PITRM1: variants seen among roughly 807,000 people sequenced by gnomAD.
PITRM1 encodes the protein presequence protease, mitochondrial.
In PITRM1, 100 loss-of-function variants were observed where a neutral mutation model predicts 129.9. The ratio of observed to expected loss-of-function variants is 0.77; its 90% CI spans 0.65 to 0.91. PITRM1 has a LOEUF of 0.91. Ranked by LOEUF, PITRM1 falls within the 40% of genes least tolerant of loss-of-function variation. The pLI is 0.00. For synonymous variants in PITRM1, 591 were observed against 508.8 expected, an observed-to-expected ratio of 1.16 and a Z score of -2.17; for missense variants, 1,471 against 1,318.3, an observed-to-expected ratio of 1.12 and a Z score of -1.79.
At position 3,149,765 on chromosome 10, in the gene PITRM1, A is replaced by G; in HGVS notation, c.1739-12T>C. 7 of 1,613,540 alleles carry G rather than the reference A, an allele frequency of 4.3e-6. No homozygotes were observed. The highest frequency in any genetic ancestry group is 5.9e-6 in the Non-Finnish European group (7 of 1,179,712). On this transcript the variant is annotated splice_polypyrimidine_tract_variant and intron_variant, in intron 15 of 26. Coordinates refer to ENST00000224949, the MANE Select transcript of PITRM1 (RefSeq NM_014889.4). ...AGGGATATCTCCAGCTAGAAAAACA[A>G]AAGGGATTTAATTTTTATTGCTGCC...
rs935643479 is a variant in PITRM1, at chr10:3,139,019, A to G, written c.2802T>C (p.Ser934=). The change falls in exon 25 of 27, where the codon TCT becomes TCC. Residue 934 remains serine, a synonymous_variant. Transcript: ENST00000224949. ...TAGCCCAGTCGACAGCCTTCCCAAA[A>G]GACTGGAGCGTCTCTATTGTATTTG... ...RDPNTIETLQ[S]FGKAVDWAKS... is the part of the protein sequence containing the mutation. 1 of 1,613,996 alleles carries G rather than the reference A, an allele frequency of 6.2e-7. No individual in the cohort carries two copies. Among genetic ancestry groups the G allele is most frequent in the Non-Finnish European group, 8.5e-7 (1 of 1,179,846 alleles).
At chr10:3,172,683 A>T in intron 1 of PITRM1, 34 bp downstream of exon 1, 1 of 1,526,122 alleles carries the variant, frequency 6.6e-7, no homozygotes, top group South Asian at 1.2e-5. Context: ...CCCGGGTACC[A>T]GCGCGCCGAG....
At chr10:3,162,180 CAA>C (rs1460494073) in intron 7 of PITRM1, among the ~76,000 whole-genome samples, 44 of 134,294 alleles carry the variant, frequency 3.3e-4, no homozygotes, top group African/African-American at 1.2e-3. Flanking sequence ...AAAAAAAAAA[CAA>C]GACAGCCTCT....
intron 14 of PITRM1, among the ~76,000 whole-genome samples, chr10:3,155,358 T>C (rs1841886687): frequency 6.6e-6 from 1 of 152,196 alleles, no homozygotes; most frequent in Non-Finnish European, 1.5e-5. Context: ...ATCTGTAAAA[T>C]AAATACATCT....
In PITRM1 at chr10:3,143,438, C is replaced by T. The variant is rs371412408; in HGVS notation, c.2596G>A (p.Val866Met). 130 of 1,613,714 alleles carry T rather than the reference C, an allele frequency of 8.1e-5. No individual in the cohort carries two copies. The highest frequency in any genetic ancestry group is 1.8e-4 in the Admixed American group (11 of 60,002). Residue 866 changes from valine to methionine, a missense_variant, in exon 23 of 27, where the codon GTG becomes ATG. Physicochemically the swap from Val to Met is conservative, Grantham distance 21 (BLOSUM62 1). Transcript: ENST00000224949. ...HFLMPFPVNY[V>M]GECIRTVPYT... ...GGGACAGTTCGGATGCATTCACCCA[C>T]GTAATTCACCGGGAAGGGCATCAGG... is the stretch of plus-strand genomic sequence containing the variant.
intron 15 of PITRM1, 55 bp downstream of exon 15, chr10:3,151,192 A>C (rs1011711986): frequency 3.1e-6 from 3 of 974,378 alleles, no homozygotes; most frequent in Middle Eastern, 4.1e-4. Flanking sequence ...GAGGAGTGAC[A>C]TTTAATTCCC....
At chr10:3,154,567 A>G (rs1841807257) in intron 14 of PITRM1, among the ~76,000 whole-genome samples, 1 of 152,200 alleles carries the variant, frequency 6.6e-6, no homozygotes, top group Admixed American at 6.5e-5. Context: ...ACATTTCCCT[A>G]AGAAAGTAAT....
Position 3,151,305 on chromosome 10 carries a change from C to A in PITRM1, c.1680G>T (p.Leu560Phe). ...KPQDASCLPA[L>F]KVSDIEPTIP... ...TGGTGGGTTCAATATCGGAAACTTT[C>A]AACGCTGGCAGACAAGAGGCATCTT... The change falls in exon 15 of 27, where the codon TTG becomes TTT. Residue 560 changes from leucine (L) to phenylalanine (F), a missense_variant. Transcript: ENST00000224949. 6.2e-7 allele frequency: 1 copy of A among 1,611,248 alleles called. No individual in the cohort carries two copies. Among genetic ancestry groups the A allele is most frequent in the East Asian group, 2.2e-5 (1 of 44,846 alleles).
intron 16 of PITRM1, chr10:3,148,571 C>T: frequency 2.6e-6 from 1 of 382,290 alleles, no homozygotes; most frequent in Admixed American, 4.0e-5. Context: ...CTTAAAACAC[C>T]ATTCTAAAAT....
chr10:3,171,166 A>ACAAAAAC (rs1843314690), intron 1 of PITRM1, among the ~76,000 whole-genome samples: 2 of 138,140 alleles, frequency 1.4e-5, no homozygotes, highest in African/African-American at 5.8e-5. Flanking sequence ...AAAAAAAAAA[A>ACAAAAAC]AAAAAAAAAA....
In PITRM1 at chr10:3,158,932, T is replaced by A. The variant is rs202029537; in HGVS notation, c.1118A>T (p.Asp373Val). 548 of 1,613,504 alleles carry A rather than the reference T, an allele frequency of 3.4e-4. No individual in the cohort carries two copies. The highest frequency in any genetic ancestry group is 1.4e-4 in the Non-Finnish European group (170 of 1,179,682). Residue 373 changes from aspartate (D) to valine (V), a missense_variant, in exon 10 of 27, where the codon GAC (aspartate) becomes GTC (valine). Physicochemically the swap from Asp to Val is radical, Grantham distance 152 (BLOSUM62 -3). Transcript: ENST00000224949. ...AACTCACCCAACATCAGGAGAAAAGTCTGTGCCAAGGCCAGATTCAATCAA... is the reference window on the plus strand; with the variant it reads ...AACTCACCCAACATCAGGAGAAAAGACTGTGCCAAGGCCAGATTCAATCAA... Reference protein sequence around the residue: ...KALIESGLGTDFSPDVGYNGY... With the variant: ...KALIESGLGTVFSPDVGYNGY...
chr10:3,168,421 T>A (rs1175052871), intron 2 of PITRM1, among the ~76,000 whole-genome samples: 1 of 151,908 alleles, frequency 6.6e-6, no homozygotes, highest in East Asian at 1.9e-4. Context: ...TATCGTAAGT[T>A]TCTATGGCTG....
At chr10:3,172,683 A>G in intron 1 of PITRM1, 34 bp downstream of exon 1, 1 of 1,526,122 alleles carries the variant, frequency 6.6e-7, no homozygotes, top group Non-Finnish European at 8.8e-7. Flanking sequence ...CCCGGGTACC[A>G]GCGCGCCGAG....
chr10:3,169,953 G>A lies in PITRM1; in HGVS notation c.159+151C>T, dbSNP rs146630101. On this transcript the variant is annotated intron_variant, in intron 2 of 26. Coordinates refer to ENST00000224949, the MANE Select transcript of PITRM1 (RefSeq NM_014889.4). ...TTTCACTCACAAGCTCTGTTCAGCC[G>A]AGTAGCTGCCACACAGCAGGAGCTG... 8.5e-3 allele frequency: 4,792 copies of A among 560,520 alleles called. 88 individuals are homozygous for A. Among genetic ancestry groups the A allele is most frequent in the African/African-American group, 0.051 (2,704 of 53,222 alleles). 34.7% of individuals were successfully genotyped at this position (560,520 alleles called of 1,614,324 possible). A position where few individuals can be genotyped will look rare whatever the true frequency, so the allele number is the denominator to read the frequency against.
rs565029700 is a variant in PITRM1 at position 3,160,327 on chromosome 10, G to A, written c.795C>T (p.Phe265=). ...CTAATGGAAAATTACCGTACGTGAA[G>A]AACCTAAAATTTTAAGGGAATATAA... The part of the protein sequence containing the change: ...ATHYHPSNAR[F]FTYGNFPLEQ... Residue 265 remains phenylalanine (F), a synonymous_variant, in exon 8 of 27, where the codon TTC becomes TTT. Coordinates refer to ENST00000224949, the MANE Select transcript of PITRM1 (RefSeq NM_014889.4). 17 of 1,609,096 alleles carry A rather than the reference G, an allele frequency of 1.1e-5. No homozygotes were observed. Among genetic ancestry groups the A allele is most frequent in the Non-Finnish European group, 1.4e-5 (16 of 1,175,508 alleles).
chr10:3,142,415 C>A (rs1840332400), intron 23 of PITRM1, among the ~76,000 whole-genome samples: 1 of 152,260 alleles, frequency 6.6e-6, no homozygotes, highest in African/African-American at 2.4e-5. Flanking sequence ...ACCAGGCTCA[C>A]TCCTTGGTTT....
At chr10:3,146,481 G>A (rs995473577) in intron 20 of PITRM1, 5 of 152,298 alleles carry the variant, frequency 3.3e-5, no homozygotes, top group East Asian at 1.9e-4. Flanking sequence ...CTGACCCGGC[G>A]GCACCAGAAG....
chr10:3,155,824 T>C, intron 13 of PITRM1, 95 bp from the exon 14 acceptor site: 1 of 1,406,150 alleles, frequency 7.1e-7, no homozygotes, highest in Non-Finnish European at 9.7e-7. Flanking sequence ...TTCTTGGTCC[T>C]GTGGTTCCAC....
At chr10:3,163,081 A>G (rs1468005027) in intron 7 of PITRM1, 2 of 152,196 alleles carry the variant, frequency 1.3e-5, no homozygotes, top group African/African-American at 2.4e-5. Flanking sequence ...AAGGGAAAGG[A>G]TATCTATTAC....
Sources: gnomAD v4.1 joint callset for allele counts (sites outside exome capture counted in the v4.1 genomes callset) on GRCh38, gnomAD v4.1.1 for gene constraint, MANE v1.5 for transcripts, NCBI Gene and HGNC (gene_info 2026-07-23, HGNC 2026-07-21) for gene names.